The following PTPRD variants were observed in gnomAD, a reference collection of about 807,000 sequenced individuals.
PTPRD encodes protein tyrosine phosphatase receptor type D.
A neutral mutation model predicts 214.5 loss-of-function variants in PTPRD; 34 were observed. The observed-to-expected ratio is 0.16, with a 90% confidence interval of 0.12 to 0.21. The LOEUF (loss-of-function observed/expected upper bound fraction) is 0.21, where lower values mean the gene tolerates loss of function less well. Ranked by LOEUF, PTPRD falls within the 10% of genes least tolerant of loss-of-function variation. The pLI, the probability that PTPRD is intolerant of heterozygous loss-of-function variation, is 1.00. For synonymous variants in PTPRD, 1,128 were observed against 845.7 expected (o/e 1.33, Z -5.79); for missense variants, 2,545 against 2,398.7 (o/e 1.06, Z -1.27).
In PTPRD at chr9:8,636,810, C is replaced by A; in HGVS notation, c.99G>T (p.Gln33His). The A allele has an allele frequency of 1.9e-6, 3 of 1,614,060 alleles. No individual in the cohort carries two copies. The highest frequency in any genetic ancestry group is 1.1e-5 in the South Asian group (1 of 91,074). Residue 33 changes from glutamine (Q) to histidine (H), a missense_variant, in exon 13 of 46, where the codon CAG (glutamine) becomes CAT (histidine). Coordinates refer to ENST00000381196, the MANE Select transcript of PTPRD (RefSeq NM_002839.4). The part of the protein sequence containing the change: ...PPRFTRTPVD[Q>H]TGVSGGVASF... ...AGGCAACTCCGCCAGAGACCCCTGTCTGATCAACGGGTGTTCGTGTAAACC... is the reference window on the plus strand; with the variant it reads ...AGGCAACTCCGCCAGAGACCCCTGTATGATCAACGGGTGTTCGTGTAAACC...
intron 5 of PTPRD, among the ~76,000 whole-genome samples, chr9:9,835,659 G>A (rs2153617218): frequency 6.6e-6 from 1 of 152,190 alleles, no homozygotes; most frequent in South Asian, 2.1e-4. Context: ...AATACCTAAT[G>A]ACAGGACAGA....
At chr9:9,326,022 C>T (rs979002165) in intron 9 of PTPRD, among the ~76,000 whole-genome samples, 1 of 151,888 alleles carries the variant, frequency 6.6e-6, no homozygotes, top group African/African-American at 2.4e-5. Flanking sequence ...TTGAACCAGC[C>T]TTGCATCCCA....
intron 9 of PTPRD, among the ~76,000 whole-genome samples, chr9:9,292,306 AT>A: frequency 6.6e-6 from 1 of 151,486 alleles, no homozygotes; most frequent in South Asian, 2.1e-4. Flanking sequence ...AAGTCAAGAA[AT>A]TTAAACTTTT....
intron 11 of PTPRD, among the ~76,000 whole-genome samples, chr9:8,876,740 C>T (rs1183590387): frequency 1.3e-5 from 2 of 152,020 alleles, no homozygotes; most frequent in Admixed American, 1.3e-4. Context: ...GACCAGGTAC[C>T]CTTTGCAAAT....
chr9:10,576,178 A>G (rs1252888852), intron 2 of PTPRD, among the ~76,000 whole-genome samples: 3 of 152,200 alleles, frequency 2.0e-5, no homozygotes, highest in African/African-American at 7.2e-5. Context: ...AAAGGCTATC[A>G]GTAAAATTTA....
intron 2 of PTPRD, among the ~76,000 whole-genome samples, chr9:10,512,566 G>A (rs1461532077): frequency 6.6e-6 from 1 of 152,092 alleles, no homozygotes; most frequent in Admixed American, 6.6e-5. Context: ...TTAACAGAAA[G>A]CAGCAATCAA....
chr9:9,174,413 T>A (rs1180530967), intron 10 of PTPRD, among the ~76,000 whole-genome samples: 1 of 152,206 alleles, frequency 6.6e-6, no homozygotes, highest in Admixed American at 6.5e-5. Flanking sequence ...TACTTTTATT[T>A]TAATCAAGGT....
At chr9:9,468,919 G>C (rs1477259327) in intron 8 of PTPRD, among the ~76,000 whole-genome samples, 1 of 152,044 alleles carries the variant, frequency 6.6e-6, no homozygotes, top group Non-Finnish European at 1.5e-5. Context: ...TGTGTATGTA[G>C]AGTAAAATAT....
chr9:10,014,443 G>A (rs1157669151), intron 4 of PTPRD, among the ~76,000 whole-genome samples: 2 of 152,106 alleles, frequency 1.3e-5, no homozygotes, highest in South Asian at 2.1e-4. Context: ...CATTCTAGGT[G>A]CATTTTGACT....
At chr9:9,091,736 C>T (rs78658008) in intron 10 of PTPRD, among the ~76,000 whole-genome samples, 3,540 of 152,244 alleles carry the variant, frequency 0.023, 75 homozygotes, top group East Asian at 0.064. Context: ...CAAAACCTAA[C>T]AGAACCAGCC....
At chr9:10,497,968 T>C (rs921142112) in intron 2 of PTPRD, among the ~76,000 whole-genome samples, 2 of 152,034 alleles carry the variant, frequency 1.3e-5, no homozygotes, top group African/African-American at 4.8e-5. Flanking sequence ...GGACTTTTTA[T>C]TATTAGCTTC....
intron 11 of PTPRD, among the ~76,000 whole-genome samples, chr9:8,932,105 A>T (rs2098956956): frequency 6.6e-6 from 1 of 151,496 alleles, no homozygotes; most frequent in African/African-American, 2.4e-5. Context: ...TTTTCAGAAA[A>T]CCCGCTCCTG....
intron 37 of PTPRD, among the ~76,000 whole-genome samples, chr9:8,387,679 C>G (rs1361517493): frequency 6.6e-6 from 1 of 152,160 alleles, no homozygotes; most frequent in African/African-American, 2.4e-5. Flanking sequence ...TCTTCAATTC[C>G]TATCCCTGAC....
At chr9:10,260,110 A>G (rs2093597012) in intron 3 of PTPRD, among the ~76,000 whole-genome samples, 1 of 152,194 alleles carries the variant, frequency 6.6e-6, no homozygotes, top group Admixed American at 6.5e-5. Flanking sequence ...TACTAAAAAA[A>G]ATTGTTTATC....
At chr9:10,466,875 A>C (rs1256459691) in intron 2 of PTPRD, among the ~76,000 whole-genome samples, 1 of 152,174 alleles carries the variant, frequency 6.6e-6, no homozygotes, top group Non-Finnish European at 1.5e-5. Context: ...ATAAGGCTTT[A>C]AAATAATTTT....
At chr9:9,107,520 T>C (rs1326597534) in intron 10 of PTPRD, among the ~76,000 whole-genome samples, 1 of 152,168 alleles carries the variant, frequency 6.6e-6, no homozygotes, top group East Asian at 1.9e-4. Context: ...TTGTGAATGA[T>C]CCATTGCCTT....
At chr9:10,222,527 G>C (rs1011433726) in intron 3 of PTPRD, among the ~76,000 whole-genome samples, 1 of 152,016 alleles carries the variant, frequency 6.6e-6, no homozygotes, top group Non-Finnish European at 1.5e-5. Context: ...TAATATGAGT[G>C]GACATTTGAA....
intron 3 of PTPRD, among the ~76,000 whole-genome samples, chr9:10,252,092 C>T (rs946983167): frequency 1.5e-4 from 23 of 151,924 alleles, no homozygotes; most frequent in African/African-American, 5.1e-4. Context: ...ATTTTGTACC[C>T]CACAGATATA....
intron 2 of PTPRD, among the ~76,000 whole-genome samples, chr9:10,436,431 G>C (rs575583912): frequency 6.6e-6 from 1 of 151,850 alleles, no homozygotes; most frequent in South Asian, 2.1e-4. Flanking sequence ...TGATAAGACA[G>C]TATGATAAGG....
Sources: allele counts gnomAD v4.1 joint callset (sites outside exome capture counted in the v4.1 genomes callset), GRCh38; gene constraint gnomAD v4.1.1; transcripts MANE v1.5; gene names NCBI Gene and HGNC (gene_info 2026-07-23, HGNC 2026-07-21).